The following PRKCQ variants were observed in gnomAD, a reference collection of about 807,000 sequenced individuals.
PRKCQ encodes protein kinase C theta.
Under a neutral mutation model 91.2 loss-of-function variants are expected in PRKCQ, and 41 were observed. The ratio of observed to expected loss-of-function variants is 0.45; its 90% confidence interval spans 0.35 to 0.58. The LOEUF is 0.58. Ranked by LOEUF, PRKCQ falls within the 20% of genes least tolerant of loss-of-function variation. The probability of loss-of-function intolerance (pLI) is 0.00; values close to 1 mark genes in which losing one functional copy is unlikely to be tolerated. For synonymous variants in PRKCQ, 307 were observed against 316.9 expected, an observed-to-expected ratio of 0.97 and a Z score of 0.33; for missense variants, 673 against 896.5, an observed-to-expected ratio of 0.75 and a Z score of 3.18.
intron 1 of PRKCQ, among the ~76,000 whole-genome samples, chr10:6,535,744 C>T (rs1050915565): frequency 1.3e-5 from 2 of 152,142 alleles, no homozygotes; most frequent in African/African-American, 4.8e-5. Context: ...CTCGCCGCGC[C>T]TCTTTAGACG....
intron 1 of PRKCQ, among the ~76,000 whole-genome samples, chr10:6,528,653 C>T (rs1465280519): frequency 6.6e-6 from 1 of 152,234 alleles, no homozygotes; most frequent in East Asian, 1.9e-4. Flanking sequence ...ACCCACAAAA[C>T]TGTGCAAAGG....
chr10:6,515,065 G>A lies in PRKCQ; in HGVS notation c.71C>T (p.Ala24Val), dbSNP rs774882949. ...CGSCQSCQGEAVNPYCAVLVK... is the reference protein window; with the variant it reads ...CGSCQSCQGEVVNPYCAVLVK... ...GAGCACAGCACAGTAAGGGTTAACA[G>A]CCTCGCCCTGACAAGACTGGCAGGA... Residue 24 changes from alanine (A) to valine (V), a missense_variant, in exon 2 of 18, where the codon GCT becomes GTT. Coordinates refer to ENST00000263125, the MANE Select transcript of PRKCQ (RefSeq NM_006257.5). 1 of 1,613,766 alleles carries A rather than the reference G, an allele frequency of 6.2e-7. No individual in the cohort carries two copies. The highest frequency in any genetic ancestry group is 1.7e-5 in the Admixed American group (1 of 59,922).
chr10:6,521,647 A>G lies in PRKCQ; in HGVS notation c.-9-6503T>C, dbSNP rs550361755. Among the ~76,000 whole-genome samples the G allele has an allele frequency of 3.9e-5, 6 of 152,346 alleles. No homozygotes were observed. The East Asian group carries it at 1.2e-3, about 29-fold the overall frequency. On this transcript the variant is annotated intron_variant, in intron 1 of 17. Transcript: ENST00000263125. ...TTCTCAACTTCATTGGTGTGTACCAAAAAGAGCAGGAGGAAAGTAGAAATA... is the reference window on the plus strand; with the variant it reads ...TTCTCAACTTCATTGGTGTGTACCAGAAAGAGCAGGAGGAAAGTAGAAATA...
At chr10:6,432,716 T>C (rs629321) in intron 16 of PRKCQ, among the ~76,000 whole-genome samples, 59,086 of 151,872 alleles carry the variant, frequency 0.39, 13,756 homozygotes, top group African/African-American at 0.66. Flanking sequence ...CATCCTCGGG[T>C]CCTCGGCTGG....
chr10:6,485,379 T>C, intron 9 of PRKCQ, 110 bp from the exon 10 acceptor site: 1 of 816,172 alleles, frequency 1.2e-6, no homozygotes, highest in Middle Eastern at 3.3e-4. Context: ...ATGCATAGGG[T>C]CAACAAAGAT....
At chr10:6,399,491 T>C in the PRKCQ span, among the ~76,000 whole-genome samples, 4 of 152,042 alleles carry the variant, frequency 2.6e-5, no homozygotes, top group Admixed American at 6.5e-5. Flanking sequence ...CTTTTTTTTT[T>C]CCTTCTTTTT....
intron 3 of PRKCQ, among the ~76,000 whole-genome samples, chr10:6,509,896 T>C (rs1838385216): frequency 6.6e-6 from 1 of 152,240 alleles, no homozygotes; most frequent in Admixed American, 6.5e-5. Flanking sequence ...ATCCATTTTT[T>C]TAGGTCAAAA....
the PRKCQ span, among the ~76,000 whole-genome samples, chr10:6,411,072 G>A: frequency 1.5e-4 from 23 of 151,642 alleles, no homozygotes; most frequent in Non-Finnish European, 2.4e-4. Flanking sequence ...TGATCTTTGA[G>A]TTTTACGGAA....
chr10:6,406,659 C>T, the PRKCQ span, among the ~76,000 whole-genome samples: 3 of 152,118 alleles, frequency 2.0e-5, no homozygotes, highest in East Asian at 3.8e-4. Flanking sequence ...CTGAATAATG[C>T]CATGAAACGA....
downstream of PRKCQ, among the ~76,000 whole-genome samples, chr10:6,423,045 C>G (rs763919828): frequency 1.3e-5 from 2 of 152,178 alleles, no homozygotes; most frequent in Non-Finnish European, 2.9e-5. Flanking sequence ...ATGCTTATTT[C>G]AGAGGACAAA....
At chr10:6,519,327 G>A (rs1022629909) in intron 1 of PRKCQ, among the ~76,000 whole-genome samples, 2 of 152,146 alleles carry the variant, frequency 1.3e-5, no homozygotes, top group Admixed American at 6.5e-5. Context: ...CTCCATTCAC[G>A]TGTGATCTGA....
chr10:6,464,683 G>A (rs1242789648), intron 12 of PRKCQ, among the ~76,000 whole-genome samples: 1 of 152,162 alleles, frequency 6.6e-6, no homozygotes, highest in Non-Finnish European at 1.5e-5. Flanking sequence ...CTTGACCTCA[G>A]GTGATCCGCC....
At chr10:6,464,530 A>C in intron 12 of PRKCQ, 126 bp from the exon 13 acceptor site, 1 of 714,070 alleles carries the variant, frequency 1.4e-6, no homozygotes, top group Non-Finnish European at 2.3e-6. Context: ...GGTCACTGCA[A>C]CCTCCGCCTC....
chr10:6,419,039 A>G, the PRKCQ span, among the ~76,000 whole-genome samples: 1 of 142,358 alleles, frequency 7.0e-6, no homozygotes, highest in East Asian at 2.0e-4. Context: ...TCTACCTATC[A>G]TCCATCTATC....
At chr10:6,401,159 C>T in the PRKCQ span, among the ~76,000 whole-genome samples, 2 of 152,138 alleles carry the variant, frequency 1.3e-5, no homozygotes, top group Non-Finnish European at 2.9e-5. Context: ...AACATTACAG[C>T]CATCTTCCAT....
rs950583908 is a variant in PRKCQ, at chr10:6,511,880, CTA to C, written c.119-688_119-687del. Among the ~76,000 whole-genome samples the C allele has an allele frequency of 5.9e-5, 9 of 152,292 alleles. No homozygotes were observed. In the South Asian group the frequency reaches 1.7e-3, roughly 28 times the overall value. Reference sequence around the variant, plus strand: ...TCTATAATCAGCCAAAAACAACTGTCTATGGGACTATTGGGTTGGTTTCAAAA... The same window carrying C: ...TCTATAATCAGCCAAAAACAACTGTCTGGGACTATTGGGTTGGTTTCAAAA... On this transcript the variant is annotated intron_variant, in intron 2 of 17. Transcript: ENST00000263125.
At chr10:6,447,346 G>A (rs1236224117) in intron 15 of PRKCQ, among the ~76,000 whole-genome samples, 1 of 150,184 alleles carries the variant, frequency 6.7e-6, no homozygotes, top group Non-Finnish European at 1.5e-5. Flanking sequence ...GGCGGAGGTT[G>A]CAGCGAGCCA....
At chr10:6,566,513 A>C (rs999748276) in intron 1 of PRKCQ, among the ~76,000 whole-genome samples, 2 of 151,918 alleles carry the variant, frequency 1.3e-5, no homozygotes, top group African/African-American at 4.8e-5. Flanking sequence ...CACTTCTGGG[A>C]TTTTTCAGTC....
At chr10:6,467,373 GACAGAGAGAGAC>G (rs1835728780) in intron 12 of PRKCQ, among the ~76,000 whole-genome samples, 24 of 105,612 alleles carry the variant, frequency 2.3e-4, no homozygotes, top group Middle Eastern at 5.4e-3. Context: ...GAGAGAGAGA[GACAGAGAGAGAC>G]AGACAGAGAG....
Sources: gnomAD v4.1 joint callset for allele counts (sites outside exome capture counted in the v4.1 genomes callset) on GRCh38, gnomAD v4.1.1 for gene constraint, MANE v1.5 for transcripts, NCBI Gene and HGNC (gene_info 2026-07-23, HGNC 2026-07-21) for gene names.